PTCHD4: variants seen among roughly 807,000 people sequenced by gnomAD.
PTCHD4 encodes the protein patched domain-containing protein 4.
A neutral mutation model predicts 58.1 loss-of-function variants in PTCHD4; 33 were observed. The ratio of observed to expected loss-of-function variants is 0.57; its 90% CI spans 0.43 to 0.76. PTCHD4 has a LOEUF of 0.76. Ranked by LOEUF, PTCHD4 falls within the 30% of genes least tolerant of loss-of-function variation. PTCHD4 has a pLI of 0.00. For synonymous variants in PTCHD4, 478 were observed against 409.6 expected, an observed-to-expected ratio of 1.17 and a Z score of -2.02; for missense variants, 1,058 against 1,027.1, an observed-to-expected ratio of 1.03 and a Z score of -0.41.
At chr6:48,006,244 T>A (rs1762436013) in intron 4 of PTCHD4, among the ~76,000 whole-genome samples, 1 of 152,198 alleles carries the variant, frequency 6.6e-6, no homozygotes, top group Admixed American at 6.6e-5. Flanking sequence ...GCAAAGTGTG[T>A]GTTGAAGGGT....
chr6:47,936,306 C>A lies in PTCHD4; in HGVS notation c.899-56370G>T, dbSNP rs187770713. Among the ~76,000 whole-genome samples the A allele has an allele frequency of 6.5e-3, 984 of 152,270 alleles. 10 individuals are homozygous for A. The highest frequency in any genetic ancestry group is 0.028 in the South Asian group (133 of 4,820). ...GATACATAGAGGATGATTCTTTGTCCTGGTTTACATTGGACACCCCCTGGA... is the reference window on the plus strand; with the variant it reads ...GATACATAGAGGATGATTCTTTGTCATGGTTTACATTGGACACCCCCTGGA... On this transcript the variant is annotated intron_variant, in intron 4 of 4. Coordinates refer to ENST00000339488, the MANE Select transcript of PTCHD4 (RefSeq NM_001384253.1).
intron 4 of PTCHD4, among the ~76,000 whole-genome samples, chr6:47,963,861 C>A (rs1303155883): frequency 1.3e-5 from 2 of 152,178 alleles, no homozygotes; most frequent in African/African-American, 2.4e-5. Context: ...AGTAGGGTAT[C>A]TTCTGCTAAT....
intron 4 of PTCHD4, among the ~76,000 whole-genome samples, chr6:47,914,682 C>G (rs12201922): frequency 0.57 from 84,538 of 148,088 alleles, 25,268 homozygotes; most frequent in East Asian, 0.78. Context: ...TAGAACCTAT[C>G]TATCTATCTA....
Position 47,869,194 on chromosome 6 carries a change from T to G in PTCHD4, c.*9109A>C, listed in dbSNP as rs543541826. Among the ~76,000 whole-genome samples, 126 of 151,870 alleles carry G rather than the reference T, an allele frequency of 8.3e-4. 1 individual carries two copies. Among genetic ancestry groups the G allele is most frequent in the Non-Finnish European group, 1.3e-3 (88 of 67,788 alleles). On this transcript the variant is annotated 3_prime_UTR_variant, in exon 5 of 5. Coordinates refer to ENST00000339488, the MANE Select transcript of PTCHD4 (RefSeq NM_001384253.1). Reference sequence around the variant, plus strand: ...TACAGTGGACTTGGATATTGAAATATTTAACATGATTGGTTTTAGTGACTT... The same window carrying G: ...TACAGTGGACTTGGATATTGAAATAGTTAACATGATTGGTTTTAGTGACTT...
At chr6:47,971,036 G>C (rs1474917745) in intron 4 of PTCHD4, among the ~76,000 whole-genome samples, 1 of 152,184 alleles carries the variant, frequency 6.6e-6, no homozygotes, top group Non-Finnish European at 1.5e-5. Context: ...CTGCCAGCCA[G>C]TTACACCCAA....
intron 4 of PTCHD4, among the ~76,000 whole-genome samples, chr6:47,963,980 G>A (rs1767195462): frequency 6.6e-6 from 1 of 152,176 alleles, no homozygotes; most frequent in African/African-American, 2.4e-5. Flanking sequence ...TCATTATCAA[G>A]ATGAAACTAC....
At chr6:48,032,103 T>C (rs1763467058) in intron 3 of PTCHD4, among the ~76,000 whole-genome samples, 1 of 151,964 alleles carries the variant, frequency 6.6e-6, no homozygotes, top group Admixed American at 6.6e-5. Flanking sequence ...GTGCTCATTA[T>C]AAAGCAATGA....
At chr6:47,887,091 T>C (rs1034535573) in intron 4 of PTCHD4, among the ~76,000 whole-genome samples, 5 of 152,058 alleles carry the variant, frequency 3.3e-5, no homozygotes, top group African/African-American at 1.2e-4. Flanking sequence ...TAAAACTGAA[T>C]TGGCCATGAT....
intron 4 of PTCHD4, among the ~76,000 whole-genome samples, chr6:47,991,037 T>C (rs1447652461): frequency 6.6e-6 from 1 of 151,626 alleles, no homozygotes; most frequent in African/African-American, 2.4e-5. Flanking sequence ...ACATGAGAAA[T>C]TGTAATATAT....
intron 3 of PTCHD4, among the ~76,000 whole-genome samples, chr6:48,061,227 A>G (rs960302016): frequency 2.6e-5 from 4 of 151,874 alleles, no homozygotes; most frequent in African/African-American, 9.7e-5. Flanking sequence ...TCTTAAAGAG[A>G]TGGTTGGATT....
Position 47,873,009 on chromosome 6 carries a change from CTG to C in PTCHD4, c.*5292_*5293del, listed in dbSNP as rs2114082639. Among the ~76,000 whole-genome samples, 1 of 151,730 alleles carries C rather than the reference CTG, an allele frequency of 6.6e-6. No individual in the cohort carries two copies. The highest frequency in any genetic ancestry group is 6.6e-5 in the Admixed American group (1 of 15,186). On this transcript the variant is annotated 3_prime_UTR_variant, in exon 5 of 5. Transcript: ENST00000339488. ...CAAAATATAGTCAATGAGAGCCACT[CTG>C]GGAATGAATGATGCTTATGTCGGTG...
intron 3 of PTCHD4, among the ~76,000 whole-genome samples, chr6:48,057,318 C>T (rs1764447091): frequency 6.6e-6 from 1 of 152,020 alleles, no homozygotes; most frequent in Non-Finnish European, 1.5e-5. Flanking sequence ...GGATATCAGA[C>T]TGACTGGAAT....
chr6:48,004,187 G>GA (rs1322224439), intron 4 of PTCHD4, among the ~76,000 whole-genome samples: 1 of 152,032 alleles, frequency 6.6e-6, no homozygotes, highest in Non-Finnish European at 1.5e-5. Flanking sequence ...ATAAATCTTT[G>GA]AAAATTAATA....
At chr6:48,034,866 T>C (rs545200477) in intron 3 of PTCHD4, among the ~76,000 whole-genome samples, 13 of 152,272 alleles carry the variant, frequency 8.5e-5, no homozygotes, top group Non-Finnish European at 1.6e-4. Context: ...AATAACATGC[T>C]GGATACAGGT....
At chr6:48,098,526 G>A (rs995174784) in intron 1 of PTCHD4, among the ~76,000 whole-genome samples, 1 of 151,798 alleles carries the variant, frequency 6.6e-6, no homozygotes, top group Admixed American at 6.6e-5. Context: ...TTTAGTAGAG[G>A]CAGGGTTTCA....
chr6:47,882,276 A>G (rs1434267878), intron 4 of PTCHD4, among the ~76,000 whole-genome samples: 1 of 152,094 alleles, frequency 6.6e-6, no homozygotes, highest in Non-Finnish European at 1.5e-5. Context: ...TTTTTATGGA[A>G]CATTAGGTAC....
intron 3 of PTCHD4, among the ~76,000 whole-genome samples, chr6:48,013,024 C>T (rs373673706): frequency 2.7e-3 from 409 of 152,194 alleles, no homozygotes; most frequent in African/African-American, 9.4e-3. Context: ...GGATATTGGC[C>T]TGAAATTTCC....
chr6:47,907,083 G>A (rs970204475), intron 4 of PTCHD4, among the ~76,000 whole-genome samples: 3 of 152,074 alleles, frequency 2.0e-5, no homozygotes, highest in Admixed American at 6.5e-5. Flanking sequence ...CATCTGAAAC[G>A]AACAGGTTTT....
rs1765967858 is a variant in PTCHD4, at chr6:47,935,498, T to C, written c.899-55562A>G. ...TACATCACCACTAAGGCTGACTTAA[T>C]ATTCTTTTCTTCAGATACCAAACAG... On this transcript the variant is annotated intron_variant, in intron 4 of 4. Coordinates refer to ENST00000339488, the MANE Select transcript of PTCHD4 (RefSeq NM_001384253.1). Among the ~76,000 whole-genome samples, 4 of 152,300 alleles carry C rather than the reference T, an allele frequency of 2.6e-5. No homozygotes were observed. The South Asian group carries it at 8.3e-4, about 32-fold the overall frequency.
Sources: gnomAD v4.1 joint callset for allele counts (sites outside exome capture counted in the v4.1 genomes callset) on GRCh38, gnomAD v4.1.1 for gene constraint, MANE v1.5 for transcripts, NCBI Gene and HGNC (gene_info 2026-07-23, HGNC 2026-07-21) for gene names.